POLR2F: variants seen among roughly 807,000 people sequenced by gnomAD.
POLR2F encodes DNA-directed RNA polymerases I, II, and III subunit RPABC2.
POLR2F carries 12 observed loss-of-function variants against 22.7 expected under a neutral mutation model. That is an observed-to-expected ratio of 0.53 (90% confidence interval 0.34 to 0.86). The LOEUF (loss-of-function observed/expected upper bound fraction) is 0.86. POLR2F is among the 40% of genes least tolerant of loss of function. The pLI is 0.02. For synonymous variants in POLR2F, 57 were observed against 66.0 expected, an observed-to-expected ratio of 0.86 and a Z score of 0.66; for missense variants, 126 against 171.5, an observed-to-expected ratio of 0.73 and a Z score of 1.48.
chr22:37,989,087 C>T (rs1027544753), intron 1 of POLR2F, among the ~76,000 whole-genome samples: 9 of 152,166 alleles, frequency 5.9e-5, no homozygotes, highest in Non-Finnish European at 1.5e-5. Flanking sequence ...TTGGATAAGG[C>T]TGTGTCATCC....
chr22:38,010,257 C>A lies in POLR2F; in HGVS notation c.121-15612C>A, dbSNP rs767118274. Among the ~76,000 whole-genome samples the A allele has an allele frequency of 5.1e-4, 78 of 151,972 alleles. 1 individual carries two copies. The highest frequency in any genetic ancestry group is 1.6e-3 in the Admixed American group (25 of 15,240). ...AGATATTGCAGTGCACACCTGTAGT[C>A]CCAGCTACTCGGGAGGCTGAGGTGG... On this transcript the variant is annotated intron_variant, in intron 1 of 2. Coordinates refer to the POLR2F transcript ENST00000333418.
chr22:38,023,096 G>A (rs970230556), intron 1 of POLR2F, among the ~76,000 whole-genome samples: 7 of 152,206 alleles, frequency 4.6e-5, no homozygotes, highest in African/African-American at 7.2e-5. Flanking sequence ...GGGTTATTTT[G>A]TGTTCCCCTT....
chr22:37,968,921 C>T lies in POLR2F; in HGVS notation c.*1206C>T, dbSNP rs955315687. 1.5e-5 allele frequency: 15 copies of T among 985,298 alleles called. No individual in the cohort carries two copies. The highest frequency in any genetic ancestry group is 5.2e-4 in the Middle Eastern group (1 of 1,936). 61.0% of individuals were successfully genotyped at this position (985,298 alleles called of 1,614,324 possible). ...TTAATTCAGGGAGCAGTGGACTTCA[C>T]ACTCCCATCCACCCTCCTCCAAGCC... On this transcript the variant is annotated 3_prime_UTR_variant, in exon 5 of 5. Transcript: ENST00000442738.
intron 1 of POLR2F, among the ~76,000 whole-genome samples, chr22:37,956,190 A>G (rs1277020830): frequency 1.3e-5 from 2 of 151,890 alleles, no homozygotes; most frequent in East Asian, 3.9e-4. Context: ...CCTGGGTTCA[A>G]GTGATTCTCC....
downstream of POLR2F, chr22:37,973,856 GGT>G: frequency 6.2e-7 from 1 of 1,608,330 alleles, no homozygotes. Context: ...CACACCAGGT[GGT>G]GAGACCGTGG....
chr22:37,983,941 A>G (rs1450758254), upstream of POLR2F: 1 of 493,562 alleles, frequency 2.0e-6, no homozygotes, highest in Admixed American at 5.0e-5. This position sits in a 1 kb window ranked among gnomAD's most constrained non-coding sequence, Gnocchi z 9.5. Context: ...GGACGTGGGC[A>G]CAGCCCCGAG....
intron 1 of POLR2F, among the ~76,000 whole-genome samples, chr22:38,020,297 T>C (rs1249276849): frequency 6.6e-6 from 1 of 151,860 alleles, no homozygotes; most frequent in East Asian, 1.9e-4. Context: ...TGGAGTCTCA[T>C]ATTGTCTCTC....
intron 1 of POLR2F, among the ~76,000 whole-genome samples, chr22:38,021,792 G>A (rs2084962256): frequency 6.6e-6 from 1 of 151,780 alleles, no homozygotes; most frequent in Non-Finnish European, 1.5e-5. Context: ...CAGTAAAAAT[G>A]TGGGGCACAG....
intron 1 of POLR2F, among the ~76,000 whole-genome samples, chr22:37,955,432 G>T (rs57988148): frequency 6.6e-6 from 1 of 151,618 alleles, no homozygotes; most frequent in Non-Finnish European, 1.5e-5. Flanking sequence ...CCAGCTACTC[G>T]GGAGGCTGAG....
chr22:38,014,806 A>ATTTTTT (rs71737468), intron 1 of POLR2F, among the ~76,000 whole-genome samples: 1 of 96,932 alleles, frequency 1.0e-5, no homozygotes, highest in Admixed American at 1.1e-4. Flanking sequence ...GTATTTTTGT[A>ATTTTTT]TTTTTTTTTT....
chr22:37,992,344 AGGT>A (rs1168209013), intron 1 of POLR2F, among the ~76,000 whole-genome samples: 16 of 152,106 alleles, frequency 1.1e-4, no homozygotes, highest in Admixed American at 1.0e-3. Flanking sequence ...TCTGCCGCCA[AGGT>A]GGCTGTTGGT....
chr22:37,984,384 G>A (rs1008900603), upstream of POLR2F: 1 of 137,352 alleles, frequency 7.3e-6, no homozygotes, highest in African/African-American at 2.7e-5. This position sits in a 1 kb window ranked among gnomAD's most constrained non-coding sequence, Gnocchi z 4.4. Context: ...TTAGGAAGTG[G>A]AAAACCGTGT....
chr22:37,999,391 A>G (rs2084748294), intron 1 of POLR2F, among the ~76,000 whole-genome samples: 2 of 152,110 alleles, frequency 1.3e-5, no homozygotes, highest in South Asian at 4.1e-4. Context: ...TCGTCAGCTC[A>G]GGCCCCTGTG....
chr22:37,981,659 G>A (rs1932400133), upstream of POLR2F, among the ~76,000 whole-genome samples: 1 of 152,190 alleles, frequency 6.6e-6, no homozygotes, highest in Admixed American at 6.5e-5. Context: ...CCCAGAGTCT[G>A]CCCTATCTGT....
At chr22:38,001,186 T>C (rs1192872498) in intron 1 of POLR2F, among the ~76,000 whole-genome samples, 1 of 152,216 alleles carries the variant, frequency 6.6e-6, no homozygotes, top group East Asian at 1.9e-4. Flanking sequence ...TCAGCCTCAG[T>C]TTCCTAATCT....
At chr22:37,995,877 G>A (rs1204063545) in intron 1 of POLR2F, among the ~76,000 whole-genome samples, 1 of 151,952 alleles carries the variant, frequency 6.6e-6, no homozygotes, top group Admixed American at 6.6e-5. Context: ...GTGTGTGCCT[G>A]TAGTCCCAGC....
Position 37,986,319 on chromosome 22 carries a change from C to G in POLR2F, c.120+7C>G. ...CTGGCATCTCTCTCTCCCGGTGGGTCCCCACTCATCCTTCCACCCCTCAGT... is the reference window on the plus strand; with the variant it reads ...CTGGCATCTCTCTCTCCCGGTGGGTGCCCACTCATCCTTCCACCCCTCAGT... On this transcript the variant is annotated splice_region_variant and intron_variant, in intron 1 of 2. Coordinates refer to the POLR2F transcript ENST00000333418. This position sits in a 1 kb window ranked among gnomAD's most constrained non-coding sequence, Gnocchi z 4.7. The G allele has an allele frequency of 1.3e-6, 2 of 1,534,760 alleles. No individual in the cohort carries two copies. The highest frequency in any genetic ancestry group is 1.7e-6 in the Non-Finnish European group (2 of 1,145,278).
chr22:37,987,803 C>A lies in POLR2F; in HGVS notation c.120+1491C>A, dbSNP rs550645782. 2.3e-3 allele frequency: 388 copies of A among 168,218 alleles called. 2 individuals carry two copies. Among genetic ancestry groups the A allele is most frequent in the Non-Finnish European group, 3.5e-3 (272 of 78,034 alleles). The allele number at this position is 168,218 out of a possible 1,614,324, so 10.4% of individuals were successfully genotyped here. A position where few individuals can be genotyped will look rare whatever the true frequency, so the allele number is the denominator to read the frequency against. On this transcript the variant is annotated intron_variant, in intron 1 of 2. Coordinates refer to the POLR2F transcript ENST00000333418. ...GGGTCCTGGCCTCCACTCTTTAATT[C>A]TATCTGGACTGTGTGCCCTCCTACC...
chr22:37,971,093 G>A (rs73415852), downstream of POLR2F: 6,312 of 381,236 alleles, frequency 0.017, 365 homozygotes, highest in African/African-American at 0.12. Flanking sequence ...GCTGGAGACC[G>A]CAGATGGAAG....
Sources: gnomAD v4.1 joint callset for allele counts (sites outside exome capture counted in the v4.1 genomes callset) on GRCh38, gnomAD v4.1.1 for gene constraint, Gnocchi (gnomAD v3.1) non-coding constraint, MANE v1.5 for transcripts, NCBI Gene and HGNC (gene_info 2026-07-23, HGNC 2026-07-21) for gene names.